Variants in GABRG3 observed in about 807,000 individuals in gnomAD.
GABRG3 encodes the protein gamma-aminobutyric acid receptor subunit gamma-3.
Under a neutral mutation model 48.8 loss-of-function variants are expected in GABRG3, and 25 were observed. That is an observed-to-expected ratio of 0.51 (90% confidence interval 0.37 to 0.72). The LOEUF is 0.72. Among genes scored for constraint, GABRG3 ranks in the 30% least tolerant of loss-of-function variants. The pLI is 0.00. For missense variants in GABRG3, 394 were observed against 577.9 expected (o/e 0.68, Z 3.26); for synonymous variants, 227 against 217.6 (o/e 1.04, Z -0.38).
intron 3 of GABRG3, among the ~76,000 whole-genome samples, chr15:27,132,522 CCTGAT>C (rs1897938322): frequency 2.4e-5 from 1 of 40,894 alleles, no homozygotes; most frequent in Non-Finnish European, 4.7e-5. Context: ...TCTTTTTCTT[CCTGAT>C]TCAACTTTGA....
chr15:27,310,489 G>A (rs1434895251), intron 3 of GABRG3, among the ~76,000 whole-genome samples: 1 of 151,932 alleles, frequency 6.6e-6, no homozygotes, highest in African/African-American at 2.4e-5. Flanking sequence ...CCTAAATAAA[G>A]GTCAGCATAT....
intron 3 of GABRG3, among the ~76,000 whole-genome samples, chr15:27,313,099 C>A (rs1893052376): frequency 6.9e-6 from 1 of 145,826 alleles, no homozygotes; most frequent in Non-Finnish European, 1.5e-5. Context: ...TTATATCAGG[C>A]AAAATAGACT....
At chr15:27,309,858 T>C (rs1566776439) in intron 3 of GABRG3, among the ~76,000 whole-genome samples, 1 of 152,072 alleles carries the variant, frequency 6.6e-6, no homozygotes, top group Non-Finnish European at 1.5e-5. Context: ...CATAAAAACC[T>C]GTACATTAAT....
Position 27,541,858 on chromosome 15 carries a change from C to A in GABRG3, c.*8977C>A, listed in dbSNP as rs780433560. The stretch of plus-strand genomic sequence containing the variant: ...CTTGGCGACACGGGCGGCGCCGCGC[C>A]CCGCTTCGTGCGTCCCGTCCCCGCC... On this transcript the variant is annotated 3_prime_UTR_variant, in exon 10 of 10. Coordinates refer to ENST00000615808, the MANE Select transcript of GABRG3 (RefSeq NM_033223.5). 1 of 152,266 alleles carries A rather than the reference C, an allele frequency of 6.6e-6. No homozygotes were observed. The highest frequency in any genetic ancestry group is 2.1e-4 in the South Asian group (1 of 4,836). 9.4% of individuals were successfully genotyped at this position (152,266 alleles called of 1,614,324 possible).
intron 3 of GABRG3, among the ~76,000 whole-genome samples, chr15:27,221,893 A>C (rs1338375088): frequency 2.6e-5 from 4 of 152,222 alleles, no homozygotes; most frequent in Admixed American, 2.6e-4. Context: ...AAAGCCATGC[A>C]CTAGGAGTTT....
Position 27,026,664 on chromosome 15 carries a change from A to T in GABRG3, c.203-90A>T, listed in dbSNP as rs529888589. ...TGTGTGTTTCCACCATGTCCTTGTGATGCTATGTATGAGACTTTAGGACTT... is the reference window on the plus strand; with the variant it reads ...TGTGTGTTTCCACCATGTCCTTGTGTTGCTATGTATGAGACTTTAGGACTT... On this transcript the variant is annotated intron_variant, in intron 2 of 9. Coordinates refer to ENST00000615808, the MANE Select transcript of GABRG3 (RefSeq NM_033223.5). 3.0e-4 allele frequency: 230 copies of T among 758,448 alleles called. 2 individuals are homozygous for T. The South Asian group carries it at 4.7e-3, about 16-fold the overall frequency. 47.0% of individuals were successfully genotyped at this position (758,448 alleles called of 1,614,324 possible). A position where few individuals can be genotyped will look rare whatever the true frequency, so the allele number is the denominator to read the frequency against.
chr15:27,229,500 G>A (rs1889732415), intron 3 of GABRG3, among the ~76,000 whole-genome samples: 1 of 151,532 alleles, frequency 6.6e-6, no homozygotes, highest in South Asian at 2.1e-4. Flanking sequence ...TTTTGAGAAG[G>A]GGGTCTCACT....
intron 3 of GABRG3, among the ~76,000 whole-genome samples, chr15:27,307,351 GTTTATATATAACCATATAGGTTTATATA>G (rs1566770949): frequency 0.04 from 4,831 of 119,590 alleles, 347 homozygotes; most frequent in Non-Finnish European, 0.05. Flanking sequence ...GTTTATATAT[GTTTATATATAACCATATAGGTTTATATA>G]TTTATATATA....
intron 2 of GABRG3, among the ~76,000 whole-genome samples, chr15:27,007,253 A>G (rs1312637087): frequency 2.0e-5 from 3 of 150,820 alleles, no homozygotes; most frequent in Non-Finnish European, 4.4e-5. Context: ...CTAATTTTTC[A>G]TATTTTTAGT....
chr15:27,257,597 A>G (rs1890659823), intron 3 of GABRG3, among the ~76,000 whole-genome samples: 1 of 152,202 alleles, frequency 6.6e-6, no homozygotes, highest in African/African-American at 2.4e-5. Flanking sequence ...GCATGGGGAT[A>G]TTTAGTTTTC....
Position 27,352,165 on chromosome 15 carries a change from T to C in GABRG3, c.574+23277T>C, listed in dbSNP as rs1328460093. On this transcript the variant is annotated intron_variant, in intron 5 of 9. Transcript: ENST00000615808. The surrounding 1 kb of genome is among the most constrained non-coding windows in gnomAD (Gnocchi z 4.0). ...GTGTGTTTGTGTATGGTGTGTGTGT[T>C]TGTGTATGGTGTGTGTGTTTGTGTG... Among the ~76,000 whole-genome samples the C allele has an allele frequency of 6.7e-6, 1 of 149,638 alleles. No homozygotes were observed. The highest frequency in any genetic ancestry group is 2.5e-5 in the African/African-American group (1 of 40,508).
At chr15:27,271,685 G>T (rs182036886) in intron 3 of GABRG3, 10 of 452,094 alleles carry the variant, frequency 2.2e-5, no homozygotes, top group African/African-American at 1.8e-4. Flanking sequence ...GTGGGAGCAG[G>T]TGTGTGGTGG....
intron 3 of GABRG3, among the ~76,000 whole-genome samples, chr15:27,259,537 T>C (rs1204981246): frequency 6.6e-6 from 1 of 152,210 alleles, no homozygotes; most frequent in East Asian, 1.9e-4. Flanking sequence ...ATTATTTCCT[T>C]ACTTTTACTA....
intron 2 of GABRG3, among the ~76,000 whole-genome samples, chr15:27,003,483 A>G (rs1310720032): frequency 6.6e-6 from 1 of 151,934 alleles, no homozygotes; most frequent in Non-Finnish European, 1.5e-5. Context: ...CACCGCCCTT[A>G]ATCCATTTAA....
At chr15:27,530,607 G>T in intron 9 of GABRG3, 2 of 471,064 alleles carry the variant, frequency 4.2e-6, no homozygotes, top group Non-Finnish European at 8.8e-6. Context: ...GGTTTCTCTT[G>T]CTCCAGAAGC....
intron 3 of GABRG3, among the ~76,000 whole-genome samples, chr15:27,070,182 C>A (rs561777438): frequency 3.9e-5 from 6 of 152,358 alleles, no homozygotes; most frequent in Admixed American, 3.3e-4. Context: ...CAAAACAAAA[C>A]CTTTTGCAAC....
intron 1 of GABRG3, among the ~76,000 whole-genome samples, chr15:26,972,354 C>T (rs1441749250): frequency 6.6e-6 from 1 of 152,134 alleles, no homozygotes. Context: ...ATGAAGAGGG[C>T]GCATGAGGAT....
In GABRG3 at chr15:27,491,377, C is replaced by T. The variant is rs543774662; in HGVS notation, c.712+10590C>T. On this transcript the variant is annotated intron_variant, in intron 6 of 9. Transcript: ENST00000615808. ...CAGCCAAGCACCTCCCAGCCTCAGA[C>T]AGGCAGCCCAGTCCAGTCCTGGCTA... 2.6e-5 allele frequency among the ~76,000 whole-genome samples: 4 copies of T among 152,360 alleles called. No individual in the cohort carries two copies. In the East Asian group the frequency reaches 7.7e-4, roughly 29 times the overall value.
rs559669535 is a variant in GABRG3 at position 27,100,283 on chromosome 15, A to G, written c.270+73462A>G. On this transcript the variant is annotated intron_variant, in intron 3 of 9. Transcript: ENST00000615808. ...TTTTTAAATTCACTATCTACCAATAAAAGAAGTGGAAACCTGAATATTCTT... is the reference window on the plus strand; with the variant it reads ...TTTTTAAATTCACTATCTACCAATAGAAGAAGTGGAAACCTGAATATTCTT... 1.0e-3 allele frequency among the ~76,000 whole-genome samples: 156 copies of G among 152,238 alleles called. 1 individual carries two copies. The highest frequency in any genetic ancestry group is 3.8e-3 in the African/African-American group (156 of 41,540).
Sources: allele counts gnomAD v4.1 joint callset (sites outside exome capture counted in the v4.1 genomes callset), GRCh38; gene constraint gnomAD v4.1.1; non-coding constraint Gnocchi (gnomAD v3.1); transcripts MANE v1.5; gene names NCBI Gene and HGNC (gene_info 2026-07-23, HGNC 2026-07-21).